ELP4: variants seen among roughly 807,000 people sequenced by gnomAD.
The protein encoded by ELP4 is elongator complex protein 4.
In ELP4, 51 loss-of-function variants were observed where a neutral mutation model predicts 48.9. That is an observed-to-expected ratio of 1.04 (90% CI 0.83 to 1.32). The LOEUF (loss-of-function observed/expected upper bound fraction) is 1.32, where lower values mean the gene tolerates loss of function less well. Among genes scored for constraint, ELP4 ranks in the 40% most tolerant of loss-of-function variants. ELP4 has a pLI of 0.00. For missense variants in ELP4, 519 were observed against 514.6 expected (o/e 1.01, Z -0.08); for synonymous variants, 210 against 189.2 (o/e 1.11, Z -0.90).
intron 2 of ELP4, among the ~76,000 whole-genome samples, chr11:31,533,368 C>CTTTTTTTTTTTTTT (rs71060492): frequency 0.01 from 507 of 50,484 alleles, 103 homozygotes; most frequent in East Asian, 0.02. Context: ...CCATCTCATT[C>CTTTTTTTTTTTTTT]TTTTTTTTTT....
At chr11:31,576,339 A>G (rs1957278073) in intron 3 of ELP4, among the ~76,000 whole-genome samples, 1 of 152,162 alleles carries the variant, frequency 6.6e-6, no homozygotes, top group South Asian at 2.1e-4. Flanking sequence ...CACAATAATA[A>G]TGGGAGACTT....
At chr11:31,543,321 T>G (rs550011456) in intron 3 of ELP4, among the ~76,000 whole-genome samples, 2 of 152,050 alleles carry the variant, frequency 1.3e-5, no homozygotes, top group African/African-American at 2.4e-5. Flanking sequence ...GTTGTTTGTT[T>G]TTTGTTTTTT....
At chr11:31,710,492 GCACAT>G (rs1456977623) in intron 9 of ELP4, among the ~76,000 whole-genome samples, 2 of 152,096 alleles carry the variant, frequency 1.3e-5, no homozygotes, top group African/African-American at 4.8e-5. Flanking sequence ...AGGCATTGTG[GCACAT>G]GCCTGTAGTC....
At chr11:31,600,882 A>G (rs1957768484) in intron 4 of ELP4, among the ~76,000 whole-genome samples, 1 of 152,158 alleles carries the variant, frequency 6.6e-6, no homozygotes, top group Admixed American at 6.5e-5. Context: ...CAAGTAGAGT[A>G]CGGTATTTTT....
intron 9 of ELP4, among the ~76,000 whole-genome samples, chr11:31,720,303 A>C (rs963485457): frequency 6.6e-6 from 1 of 152,026 alleles, no homozygotes; most frequent in African/African-American, 2.4e-5. Context: ...CTAGGCAATT[A>C]CTTTTTTTTT....
intron 5 of ELP4, among the ~76,000 whole-genome samples, chr11:31,609,248 A>G (rs1233828095): frequency 1.3e-5 from 2 of 152,098 alleles, no homozygotes; most frequent in South Asian, 2.1e-4. Context: ...AGCCGCGGCT[A>G]GTAGCTGACA....
At chr11:31,596,880 CTT>C (rs1217836195) in intron 4 of ELP4, among the ~76,000 whole-genome samples, 12 of 151,960 alleles carry the variant, frequency 7.9e-5, no homozygotes, top group Non-Finnish European at 1.3e-4. Context: ...GTAAGTGACT[CTT>C]AAACATACAA....
At chr11:31,758,220 G>A (rs2134249369) in intron 9 of ELP4, among the ~76,000 whole-genome samples, 1 of 152,294 alleles carries the variant, frequency 6.6e-6, no homozygotes, top group East Asian at 1.9e-4. Context: ...TAATTTCAGA[G>A]CGTATTAACA....
intron 9 of ELP4, among the ~76,000 whole-genome samples, chr11:31,695,431 T>C (rs1040849324): frequency 4.6e-5 from 7 of 152,256 alleles, no homozygotes; most frequent in African/African-American, 1.7e-4. Context: ...GGTTTTTGTC[T>C]TTGGTTCTGT....
intron 7 of ELP4, chr11:31,632,651 G>T: frequency 2.9e-6 from 1 of 345,468 alleles, no homozygotes; most frequent in Non-Finnish European, 5.2e-6. Context: ...TCTATGACTT[G>T]CTTTTTCTAT....
intron 3 of ELP4, among the ~76,000 whole-genome samples, chr11:31,570,578 C>T (rs1957177715): frequency 6.6e-6 from 1 of 151,010 alleles, no homozygotes; most frequent in Non-Finnish European, 1.5e-5. Flanking sequence ...AGCGATTCTC[C>T]TCCCTCAGCC....
intron 9 of ELP4, chr11:31,706,912 T>A (rs1293592810): frequency 5.0e-6 from 2 of 397,524 alleles, no homozygotes; most frequent in Admixed American, 8.8e-5. Context: ...ATGTCAGGAT[T>A]ACATTCTTTT....
At chr11:31,611,251 C>T (rs1249431882) in intron 5 of ELP4, among the ~76,000 whole-genome samples, 1 of 152,120 alleles carries the variant, frequency 6.6e-6, no homozygotes, top group East Asian at 1.9e-4. Context: ...CCACATGCAG[C>T]GAATGAATAC....
intron 9 of ELP4, among the ~76,000 whole-genome samples, chr11:31,715,369 T>G (rs1946824425): frequency 6.6e-6 from 1 of 152,236 alleles, no homozygotes; most frequent in Admixed American, 6.5e-5. Context: ...TATTACCTTT[T>G]AATATTTAAA....
intron 3 of ELP4, among the ~76,000 whole-genome samples, chr11:31,574,722 C>A (rs1957243944): frequency 6.6e-6 from 1 of 152,202 alleles, no homozygotes; most frequent in Non-Finnish European, 1.5e-5. Flanking sequence ...AGCTGAGGAT[C>A]CTGACTGTTA....
intron 9 of ELP4, among the ~76,000 whole-genome samples, chr11:31,691,864 G>A (rs1459102682): frequency 6.6e-6 from 1 of 152,102 alleles, no homozygotes. Context: ...CACATAGCTG[G>A]TTATTGTGAT....
chr11:31,557,624 T>G (rs923502572), intron 3 of ELP4, among the ~76,000 whole-genome samples: 5 of 152,070 alleles, frequency 3.3e-5, no homozygotes, highest in African/African-American at 1.2e-4. Flanking sequence ...GTGCAACTAT[T>G]GTTTTCCTAG....
At chr11:31,694,952 C>G (rs1301054067) in intron 9 of ELP4, among the ~76,000 whole-genome samples, 1 of 152,086 alleles carries the variant, frequency 6.6e-6, no homozygotes. Flanking sequence ...CATGATTTGG[C>G]TCTCTGTCTG....
At chr11:31,663,874 G>C (rs1945614001) in intron 9 of ELP4, 2 of 151,866 alleles carry the variant, frequency 1.3e-5, no homozygotes, top group Admixed American at 1.3e-4. Context: ...CTTAATAACT[G>C]CTTTTATTTA....
Sources: allele counts gnomAD v4.1 joint callset (sites outside exome capture counted in the v4.1 genomes callset), GRCh38; gene constraint gnomAD v4.1.1; transcripts MANE v1.5; gene names NCBI Gene and HGNC (gene_info 2026-07-23, HGNC 2026-07-21).